WARS2: variants seen among roughly 807,000 people sequenced by gnomAD.
The protein encoded by WARS2 is tryptophanyl tRNA synthetase 2, mitochondrial, also known as tryptophan--tRNA ligase, mitochondrial.
A neutral mutation model predicts 36.5 loss-of-function variants in WARS2; 28 were observed. The ratio of observed to expected loss-of-function variants is 0.77; its 90% CI spans 0.57 to 1.05. WARS2 has a LOEUF of 1.05. Ranked by LOEUF, WARS2 falls within the 50% of genes least tolerant of loss-of-function variation. The pLI, the probability that WARS2 is intolerant of heterozygous loss-of-function variation, is 0.00. For synonymous variants in WARS2, 174 were observed against 178.4 expected, an observed-to-expected ratio of 0.98 and a Z score of 0.20; for missense variants, 435 against 456.8, an observed-to-expected ratio of 0.95 and a Z score of 0.44.
At chr1:119,084,346 A>T (rs1652453297) in intron 1 of WARS2, among the ~76,000 whole-genome samples, 2 of 152,036 alleles carry the variant, frequency 1.3e-5, no homozygotes, top group African/African-American at 4.8e-5. Context: ...AATGTTTTGG[A>T]AATAGACAGA....
At chr1:119,045,439 C>A in intron 3 of WARS2, 143 bp downstream of exon 3, 1 of 665,862 alleles carries the variant, frequency 1.5e-6, no homozygotes, top group Non-Finnish European at 2.6e-6. Context: ...TTTTAATACC[C>A]TGAAGCAGGG....
At chr1:119,129,251 C>T (rs919512291) in intron 1 of WARS2, among the ~76,000 whole-genome samples, 5 of 152,176 alleles carry the variant, frequency 3.3e-5, no homozygotes, top group African/African-American at 4.8e-5. Flanking sequence ...AGGAAGGAAG[C>T]CCTCACCAGA....
chr1:119,126,947 AT>A, intron 1 of WARS2: 1 of 743,976 alleles, frequency 1.3e-6, no homozygotes, highest in Non-Finnish European at 2.4e-6. Flanking sequence ...ATTGTCTGCC[AT>A]TTTTTGATCA....
At position 119,140,603 on chromosome 1, in the gene WARS2, G is replaced by T. The variant is rs1226384792; in HGVS notation, c.42C>A (p.Ser14Arg). Residue 14 changes from serine (S) to arginine (R), a missense_variant, in exon 1 of 6, where the codon AGC becomes AGA. Ser to Arg is a moderately radical substitution (Grantham distance 110). Coordinates refer to ENST00000235521, the MANE Select transcript of WARS2 (RefSeq NM_015836.4). ...HSMRKARERW[S>R]FIRALHKGSA... ...ATCCCTTATGAAGTGCCCGGATGAA[G>T]CTCCAGCGCTCACGCGCTTTCCGCA... is the stretch of plus-strand genomic sequence containing the variant. 2 of 1,613,830 alleles carry T rather than the reference G, an allele frequency of 1.2e-6. No individual in the cohort carries two copies. Among genetic ancestry groups the T allele is most frequent in the Non-Finnish European group, 1.7e-6 (2 of 1,179,892 alleles).
rs377291673 is a variant in WARS2, at chr1:119,095,380, A to G, written c.91-18773T>C. On this transcript the variant is annotated intron_variant, in intron 1 of 5. Coordinates refer to ENST00000235521, the MANE Select transcript of WARS2 (RefSeq NM_015836.4). ...CCCATTGGTTTATAGTAACATTAAT[A>G]TAAATCCATAATTTCAAAGTCAACA... is the stretch of plus-strand genomic sequence containing the variant. 3.9e-5 allele frequency among the ~76,000 whole-genome samples: 6 copies of G among 152,344 alleles called. No individual in the cohort carries two copies. In the South Asian group the frequency reaches 1.2e-3, roughly 32 times the overall value.
At chr1:119,125,883 A>G (rs1187376330) in intron 1 of WARS2, among the ~76,000 whole-genome samples, 1 of 152,086 alleles carries the variant, frequency 6.6e-6, no homozygotes, top group African/African-American at 2.4e-5. Flanking sequence ...CCTCAACCTC[A>G]ATCCTTTATT....
At chr1:119,116,995 C>T (rs1655017175) in intron 1 of WARS2, among the ~76,000 whole-genome samples, 1 of 152,168 alleles carries the variant, frequency 6.6e-6, no homozygotes, top group African/African-American at 2.4e-5. Flanking sequence ...ACTGAGAGCC[C>T]TGCTTGCTTT....
At chr1:119,122,218 A>C (rs1333853642) in intron 1 of WARS2, among the ~76,000 whole-genome samples, 1 of 152,186 alleles carries the variant, frequency 6.6e-6, no homozygotes, top group Non-Finnish European at 1.5e-5. Context: ...CAATCCCATC[A>C]AAAAGTGGGC....
chr1:119,137,538 T>A (rs1379625106), intron 1 of WARS2, among the ~76,000 whole-genome samples: 1 of 152,128 alleles, frequency 6.6e-6, no homozygotes, highest in Non-Finnish European at 1.5e-5. Context: ...CTACTAACCA[T>A]CAATATTTCA....
At chr1:119,042,711 A>G (rs943394133) in intron 3 of WARS2, among the ~76,000 whole-genome samples, 18 of 152,210 alleles carry the variant, frequency 1.2e-4, no homozygotes, top group African/African-American at 3.1e-4. Context: ...TTAAATCTCT[A>G]CAAATTAACA....
intron 1 of WARS2, among the ~76,000 whole-genome samples, chr1:119,081,905 C>T (rs985967603): frequency 2.0e-5 from 3 of 152,138 alleles, no homozygotes; most frequent in African/African-American, 7.2e-5. Context: ...GCTCTTTCCT[C>T]CGGAAAGCAC....
intron 2 of WARS2, among the ~76,000 whole-genome samples, chr1:119,056,061 C>T (rs185885960): frequency 1.3e-5 from 2 of 148,846 alleles, no homozygotes; most frequent in Non-Finnish European, 3.0e-5. Flanking sequence ...CTCTGCTGTC[C>T]AGGCTGGAGT....
At chr1:119,112,227 A>G (rs1487482417) in intron 1 of WARS2, among the ~76,000 whole-genome samples, 1 of 152,148 alleles carries the variant, frequency 6.6e-6, no homozygotes, top group African/African-American at 2.4e-5. Context: ...TAGCCTGTTC[A>G]GCTTTTTAAT....
chr1:119,086,537 G>C (rs1049867468), intron 1 of WARS2, among the ~76,000 whole-genome samples: 1 of 152,118 alleles, frequency 6.6e-6, no homozygotes, highest in African/African-American at 2.4e-5. Flanking sequence ...GAGTCAGTGG[G>C]GGAGCTCTGG....
chr1:119,131,612 G>A (rs886092495), intron 1 of WARS2, among the ~76,000 whole-genome samples: 10 of 151,924 alleles, frequency 6.6e-5, no homozygotes, highest in South Asian at 4.2e-4. Context: ...GCAGGCGCCC[G>A]CCACCACGCC....
At chr1:119,042,486 C>G (rs888059785) in intron 3 of WARS2, 137 bp from the exon 4 acceptor site, 2 of 710,030 alleles carry the variant, frequency 2.8e-6, no homozygotes, top group South Asian at 3.6e-5. Flanking sequence ...ACATCGGTTC[C>G]TTTTTAGCAA....
intron 4 of WARS2, 96 bp downstream of exon 4, chr1:119,042,168 T>A: frequency 9.0e-7 from 1 of 1,114,134 alleles, no homozygotes; most frequent in East Asian, 2.4e-5. Context: ...CTTTCTGCAC[T>A]TCCCCTTGCC....
chr1:119,064,130 T>A (rs951601824), intron 2 of WARS2: 3 of 152,300 alleles, frequency 2.0e-5, no homozygotes, highest in Admixed American at 6.5e-5. Context: ...TGCATCAGCG[T>A]GACCTGAGTG....
In WARS2 at chr1:119,059,225, G is replaced by T. The variant is rs548431369; in HGVS notation, c.349-13563C>A. ...TATTAGCCCTTTGTCAGATGAGTAGGTTGTGAAAATTTTCTCCCATTTTGT... is the reference window on the plus strand; with the variant it reads ...TATTAGCCCTTTGTCAGATGAGTAGTTTGTGAAAATTTTCTCCCATTTTGT... On this transcript the variant is annotated intron_variant, in intron 2 of 5. Transcript: ENST00000235521. Among the ~76,000 whole-genome samples, 48 of 151,932 alleles carry T rather than the reference G, an allele frequency of 3.2e-4. No homozygotes were observed. The East Asian group carries it at 9.1e-3, about 29-fold the overall frequency.
Sources: allele counts gnomAD v4.1 joint callset (sites outside exome capture counted in the v4.1 genomes callset), GRCh38; gene constraint gnomAD v4.1.1; transcripts MANE v1.5; gene names NCBI Gene and HGNC (gene_info 2026-07-23, HGNC 2026-07-21).